Variants in RXRA observed in about 807,000 individuals in gnomAD.
RXRA encodes retinoic acid receptor RXR-alpha.
RXRA carries 5 observed loss-of-function variants against 44.5 expected under a neutral mutation model. That is an observed-to-expected ratio of 0.11 (90% confidence interval 0.06 to 0.24). The LOEUF is 0.24. Ranked by LOEUF, RXRA falls within the 10% of genes least tolerant of loss-of-function variation. The pLI is 1.00. For missense variants in RXRA, 412 were observed against 646.5 expected (o/e 0.64, Z 3.93); for synonymous variants, 291 against 271.4 (o/e 1.07, Z -0.71).
intron 1 of RXRA, among the ~76,000 whole-genome samples, chr9:134,362,411 C>T (rs983294177): frequency 6.6e-6 from 1 of 152,266 alleles, no homozygotes; most frequent in African/African-American, 2.4e-5. Context: ...CACTCTGCAG[C>T]CCGCGTTTCT....
At chr9:134,359,693 G>A (rs1281943445) in intron 1 of RXRA, among the ~76,000 whole-genome samples, 3 of 152,194 alleles carry the variant, frequency 2.0e-5, no homozygotes, top group Non-Finnish European at 4.4e-5. Context: ...ACAGGCTGAG[G>A]GCAGGGGAAG....
At chr9:134,422,216 C>T in intron 6 of RXRA, 2 of 1,286,560 alleles carry the variant, frequency 1.6e-6, no homozygotes, top group Non-Finnish European at 2.0e-6. Flanking sequence ...ACTTCCCCCT[C>T]CTGGGACATA....
At chr9:134,332,626 A>G (rs1457773258) in intron 1 of RXRA, among the ~76,000 whole-genome samples, 1 of 151,442 alleles carries the variant, frequency 6.6e-6, no homozygotes, top group Non-Finnish European at 1.5e-5. Flanking sequence ...TGGAACCAGG[A>G]GGGGGTTCAC....
intron 5 of RXRA, among the ~76,000 whole-genome samples, chr9:134,419,198 A>C (rs1831287627): frequency 6.6e-6 from 1 of 152,162 alleles, no homozygotes; most frequent in Non-Finnish European, 1.5e-5. Context: ...AGCCTCGCGG[A>C]GGGCAGGGGA....
rs189028463 is a variant in RXRA at position 134,382,292 on chromosome 9, T to C, written c.29-19340T>C. 1.9e-3 allele frequency among the ~76,000 whole-genome samples: 281 copies of C among 151,122 alleles called. 1 individual carries two copies. Among genetic ancestry groups the C allele is most frequent in the African/African-American group, 5.3e-3 (215 of 40,912 alleles). The stretch of plus-strand genomic sequence containing the variant: ...TGGTGTGTGTGTGTGTGTGTGTGTG[T>C]GCGCTTTTGACTGGGCTCGGAGGGC... On this transcript the variant is annotated intron_variant, in intron 1 of 9. Coordinates refer to ENST00000481739, the MANE Select transcript of RXRA (RefSeq NM_002957.6).
At chr9:134,423,645 G>C in intron 6 of RXRA, 2 of 985,486 alleles carry the variant, frequency 2.0e-6, no homozygotes, top group Non-Finnish European at 2.4e-6. Context: ...TGTCTGGTGG[G>C]TCCTTGCCCC....
At chr9:134,353,582 C>A (rs919999719) in intron 1 of RXRA, among the ~76,000 whole-genome samples, 8 of 152,254 alleles carry the variant, frequency 5.3e-5, no homozygotes, top group African/African-American at 1.9e-4. Context: ...AGTCCACGAG[C>A]CCCTGTACCT....
intron 1 of RXRA, among the ~76,000 whole-genome samples, chr9:134,332,454 G>T (rs1554746786): frequency 6.6e-6 from 1 of 151,996 alleles, no homozygotes; most frequent in East Asian, 1.9e-4. Context: ...GGGATTGCTG[G>T]TGGGCTTGTC....
intron 1 of RXRA, among the ~76,000 whole-genome samples, chr9:134,376,217 A>G (rs35774225): frequency 0.74 from 112,669 of 151,882 alleles, 41,992 homozygotes; most frequent in East Asian, 0.81. Flanking sequence ...CCAGAGGGGC[A>G]CCCTCAGCCG....
At chr9:134,332,879 C>T (rs782489352) in intron 1 of RXRA, among the ~76,000 whole-genome samples, 1 of 152,094 alleles carries the variant, frequency 6.6e-6, no homozygotes, top group Non-Finnish European at 1.5e-5. Flanking sequence ...TGGCTGGGCT[C>T]CTCAGCATGG....
At chr9:134,393,216 C>T (rs1229174556) in intron 1 of RXRA, among the ~76,000 whole-genome samples, 1 of 151,878 alleles carries the variant, frequency 6.6e-6, no homozygotes, top group African/African-American at 2.4e-5. Context: ...CGCTCTTCTC[C>T]CTGTAGCACT....
chr9:134,423,692 G>T, intron 6 of RXRA: 6 of 985,490 alleles, frequency 6.1e-6, no homozygotes, highest in Non-Finnish European at 7.2e-6. Flanking sequence ...GCCGTTGCGG[G>T]CTCAGACTTC....
chr9:134,408,438 A>G lies in RXRA; in HGVS notation c.430+139A>G, dbSNP rs573479685. 10 of 872,896 alleles carry G rather than the reference A, an allele frequency of 1.1e-5. No individual in the cohort carries two copies. In the East Asian group the frequency reaches 1.8e-4, roughly 16 times the overall value. 54.1% of individuals were successfully genotyped at this position (872,896 alleles called of 1,614,324 possible). ...GTGCAGGGAGGCAGGTGCCTGGGCC[A>G]TGCCCCACTCCCAGGGCTCCGCGAG... On this transcript the variant is annotated intron_variant, in intron 3 of 9. Coordinates refer to ENST00000481739, the MANE Select transcript of RXRA (RefSeq NM_002957.6).
At chr9:134,400,643 CT>C (rs1423710133) in intron 1 of RXRA, among the ~76,000 whole-genome samples, 1 of 152,222 alleles carries the variant, frequency 6.6e-6, no homozygotes, top group Admixed American at 6.5e-5. Context: ...GATTCGCCAC[CT>C]GGGAGCCTCC....
Position 134,349,827 on chromosome 9 carries a change from C to T in RXRA, c.28+23168C>T, listed in dbSNP as rs1356164328. On this transcript the variant is annotated intron_variant, in intron 1 of 9. Transcript: ENST00000481739. The surrounding 1 kb of genome is among the most constrained non-coding windows in gnomAD (Gnocchi z 4.3). ...GCAGAGCTGGGCTAGCTCGGGTGGGCGGGCGGGTGCCGCAGGCTCTCCTGT... is the reference window on the plus strand; with the variant it reads ...GCAGAGCTGGGCTAGCTCGGGTGGGTGGGCGGGTGCCGCAGGCTCTCCTGT... Among the ~76,000 whole-genome samples the T allele has an allele frequency of 4.3e-4, 1 of 2,336 alleles. No individual in the cohort carries two copies. Among genetic ancestry groups the T allele is most frequent in the African/African-American group, 1.6e-3 (1 of 612 alleles). 1.5% of individuals were successfully genotyped at this position (2,336 alleles called of 152,430 possible). A position where few individuals can be genotyped will look rare whatever the true frequency, so the allele number is the denominator to read the frequency against.
chr9:134,369,402 T>G, intron 1 of RXRA, among the ~76,000 whole-genome samples: 1 of 111,252 alleles, frequency 9.0e-6, no homozygotes, highest in African/African-American at 3.6e-5. Context: ...AGGGGTTGTG[T>G]GTGTGTGGGT....
chr9:134,410,411 C>A (rs987480978), intron 4 of RXRA, among the ~76,000 whole-genome samples: 12 of 152,202 alleles, frequency 7.9e-5, no homozygotes, highest in African/African-American at 2.2e-4. Context: ...GGGCCCTGGC[C>A]CCCATCCAGA....
intron 1 of RXRA, among the ~76,000 whole-genome samples, chr9:134,392,335 C>T (rs549823247): frequency 1.3e-4 from 18 of 142,606 alleles, no homozygotes; most frequent in African/African-American, 4.1e-4. Flanking sequence ...GGGGGAATGG[C>T]CGTACAGGGG....
intron 1 of RXRA, among the ~76,000 whole-genome samples, chr9:134,390,552 T>C (rs1026523954): frequency 3.9e-5 from 6 of 152,200 alleles, no homozygotes; most frequent in South Asian, 4.1e-4. Context: ...GTGATGAGCC[T>C]GACCCGGGCC....
Sources: gnomAD v4.1 joint callset for allele counts (sites outside exome capture counted in the v4.1 genomes callset) on GRCh38, gnomAD v4.1.1 for gene constraint, Gnocchi (gnomAD v3.1) non-coding constraint, MANE v1.5 for transcripts, NCBI Gene and HGNC (gene_info 2026-07-23, HGNC 2026-07-21) for gene names.